TSNARE1: variants seen among roughly 807,000 people sequenced by gnomAD.
TSNARE1 encodes the protein t-SNARE domain containing 1.
In TSNARE1, 49 loss-of-function variants were observed where a neutral mutation model predicts 62.0. The observed-to-expected ratio is 0.79, with a 90% CI of 0.63 to 1.00. The LOEUF is 1.00. TSNARE1 is among the 50% of genes least tolerant of loss of function. TSNARE1 has a pLI of 0.00. For missense variants in TSNARE1, 755 were observed against 700.1 expected (o/e 1.08, Z -0.88); for synonymous variants, 328 against 294.4 (o/e 1.11, Z -1.17).
At chr8:142,303,872 G>A (rs1421008802) in intron 9 of TSNARE1, among the ~76,000 whole-genome samples, 3 of 152,208 alleles carry the variant, frequency 2.0e-5, no homozygotes, top group East Asian at 3.9e-4. Flanking sequence ...AACAGCCACA[G>A]CACCGGCCAC....
intron 13 of TSNARE1, among the ~76,000 whole-genome samples, chr8:142,214,996 C>A (rs565157347): frequency 1.1e-4 from 16 of 152,320 alleles, no homozygotes; most frequent in African/African-American, 2.9e-4. Flanking sequence ...CCAGCGCTTC[C>A]CACCTCAGGG....
intron 11 of TSNARE1, chr8:142,277,928 T>C (rs1820770628): frequency 1.0e-6 from 1 of 985,168 alleles, no homozygotes; most frequent in African/African-American, 1.7e-5. Flanking sequence ...CCACACCACA[T>C]GTCTATCCTT....
intron 6 of TSNARE1, among the ~76,000 whole-genome samples, chr8:142,329,488 T>C (rs1380600238): frequency 1.3e-5 from 2 of 152,198 alleles, no homozygotes; most frequent in African/African-American, 4.8e-5. Context: ...AGTGGGCCAG[T>C]GGCACTAAGA....
chr8:142,273,794 A>T (rs1443416663), intron 12 of TSNARE1: 1 of 985,244 alleles, frequency 1.0e-6, no homozygotes, highest in African/African-American at 1.7e-5. Context: ...GCGTGGTTCC[A>T]GCTGCGGCCC....
At chr8:142,301,460 G>A (rs55661027) in intron 9 of TSNARE1, among the ~76,000 whole-genome samples, 13,043 of 91,812 alleles carry the variant, frequency 0.14, 1,745 homozygotes, top group East Asian at 0.26. Flanking sequence ...TTCCCCTCCC[G>A]TCAGGAGCCC....
At position 142,222,212 on chromosome 8, in the gene TSNARE1, G is replaced by GCTCA. The variant is rs1298899914; in HGVS notation, c.*11+7257_*11+7260dup. On this transcript the variant is annotated intron_variant, in intron 13 of 13. Transcript: ENST00000524325. ...CACTCATTCACTCACTCACTCATCC[G>GCTCA]CTCATTCACTCACTCATCCACTCAT... 1.1e-3 allele frequency among the ~76,000 whole-genome samples: 24 copies of GCTCA among 21,332 alleles called. 10 individuals are homozygous for GCTCA. The highest frequency in any genetic ancestry group is 3.4e-3 in the East Asian group (2 of 590). The allele number at this position is 21,332 out of a possible 152,430, so 14.0% of individuals were successfully genotyped here.
At chr8:142,222,221 CTCACTCATCCACTCAT>C (rs1816327713) in intron 13 of TSNARE1, among the ~76,000 whole-genome samples, 1 of 31,350 alleles carries the variant, frequency 3.2e-5, no homozygotes, top group South Asian at 1.1e-3. Context: ...CGCTCATTCA[CTCACTCATCCACTCAT>C]TCACTCACTC....
chr8:142,365,156 C>T (rs1371279143), intron 1 of TSNARE1, among the ~76,000 whole-genome samples: 1 of 152,134 alleles, frequency 6.6e-6, no homozygotes, highest in Middle Eastern at 3.2e-3. Flanking sequence ...CACCACATAC[C>T]CCTCTGACAC....
In TSNARE1 at chr8:142,318,590, G is replaced by A; in HGVS notation, c.938C>T (p.Ala313Val). The A allele has an allele frequency of 6.2e-7, 1 of 1,613,786 alleles. No homozygotes were observed. Among genetic ancestry groups the A allele is most frequent in the Non-Finnish European group, 8.5e-7 (1 of 1,179,992 alleles). Reference protein sequence around the residue: ...QETNKTIAASASSVKQMAELL... With the variant: ...QETNKTIAASVSSVKQMAELL... ...CTCGGCCATCTGCTTCACGGAGCTG[G>A]CGCTGGCTGCAATGGTCTTGTTGGT... Residue 313 changes from alanine (A) to valine (V), a missense_variant, in exon 7 of 14, where the codon GCC becomes GTC. Coordinates refer to ENST00000524325, the MANE Select transcript of TSNARE1 (RefSeq NM_145003.5).
intron 11 of TSNARE1, among the ~76,000 whole-genome samples, chr8:142,279,705 A>G (rs1402614160): frequency 6.6e-6 from 1 of 152,048 alleles, no homozygotes; most frequent in Non-Finnish European, 1.5e-5. Context: ...GAGATGGGCC[A>G]GGAGGGTGGC....
chr8:142,213,594 C>T (rs563080525), intron 13 of TSNARE1, among the ~76,000 whole-genome samples: 21 of 152,218 alleles, frequency 1.4e-4, no homozygotes, highest in Admixed American at 1.2e-3. Context: ...AAACTCCCTG[C>T]GGCCAGGAGC....
chr8:142,339,420 G>A (rs1832225036), intron 4 of TSNARE1, among the ~76,000 whole-genome samples: 1 of 152,098 alleles, frequency 6.6e-6, no homozygotes, highest in Non-Finnish European at 1.5e-5. Context: ...CCTATACCGT[G>A]GATGAGGCAG....
rs115264737 is a variant in TSNARE1, at chr8:142,288,321, C to T, written c.1291-3836G>A. Among the ~76,000 whole-genome samples the T allele has an allele frequency of 1.8e-3, 278 of 152,362 alleles. 1 individual carries two copies. The highest frequency in any genetic ancestry group is 6.4e-3 in the African/African-American group (265 of 41,588). ...CACTGCACTGGGCGTTCCCTGCTGA[C>T]ATCAGAGTCAACTTCCACAACCCCA... is the stretch of plus-strand genomic sequence containing the variant. On this transcript the variant is annotated intron_variant, in intron 10 of 13. Transcript: ENST00000524325.
chr8:142,271,624 C>T (rs1282894770), intron 12 of TSNARE1: 2 of 1,427,364 alleles, frequency 1.4e-6, no homozygotes, highest in Admixed American at 2.8e-5. Flanking sequence ...CAGGTTCAGG[C>T]AGGCTGGGCC....
At chr8:142,368,832 G>T (rs967721098) in intron 1 of TSNARE1, among the ~76,000 whole-genome samples, 2 of 152,182 alleles carry the variant, frequency 1.3e-5, no homozygotes, top group African/African-American at 4.8e-5. Flanking sequence ...GTGGCCCCAG[G>T]GCATTTGTGA....
intron 10 of TSNARE1, among the ~76,000 whole-genome samples, chr8:142,288,327 AG>A (rs1823125889): frequency 6.6e-6 from 1 of 152,326 alleles, no homozygotes; most frequent in Non-Finnish European, 1.5e-5. Context: ...CTGACATCAG[AG>A]TCAACTTCCA....
chr8:142,242,947 C>CAA (rs35092120), intron 12 of TSNARE1, among the ~76,000 whole-genome samples: 12,421 of 49,854 alleles, frequency 0.25, 1,862 homozygotes, highest in East Asian at 0.39. Flanking sequence ...AACTCTGTCT[C>CAA]AAAAAAAAAA....
At chr8:142,377,625 C>CG (rs1270024802) in intron 1 of TSNARE1, among the ~76,000 whole-genome samples, 1 of 152,206 alleles carries the variant, frequency 6.6e-6, no homozygotes, top group Non-Finnish European at 1.5e-5. Flanking sequence ...CACCTGCCAT[C>CG]GGGTTAGTGC....
intron 1 of TSNARE1, among the ~76,000 whole-genome samples, chr8:142,376,611 G>A (rs1282232240): frequency 1.3e-5 from 2 of 152,186 alleles, no homozygotes; most frequent in African/African-American, 4.8e-5. Context: ...GATGGGAAAT[G>A]AGTGTCTGTC....
Sources: gnomAD v4.1 joint callset for allele counts (sites outside exome capture counted in the v4.1 genomes callset) on GRCh38, gnomAD v4.1.1 for gene constraint, MANE v1.5 for transcripts, NCBI Gene and HGNC (gene_info 2026-07-23, HGNC 2026-07-21) for gene names.